ITGA5: variants seen among roughly 807,000 people sequenced by gnomAD.
ITGA5 encodes integrin subunit alpha 5, also known as integrin alpha-5.
ITGA5 carries 55 observed loss-of-function variants against 146.3 expected under a neutral mutation model. That is an observed-to-expected ratio of 0.38 (90% CI 0.30 to 0.47). The LOEUF (loss-of-function observed/expected upper bound fraction) is 0.47, where lower values mean the gene tolerates loss of function less well. ITGA5 is among the 20% of genes least tolerant of loss of function. The pLI is 0.99. For missense variants in ITGA5, 1,131 were observed against 1,329.0 expected (o/e 0.85, Z 2.32); for synonymous variants, 500 against 531.8 (o/e 0.94, Z 0.82).
In ITGA5 at chr12:54,403,055, G is replaced by A; in HGVS notation, c.1915-5C>T. 1 of 1,614,128 alleles carries A rather than the reference G, an allele frequency of 6.2e-7. No individual in the cohort carries two copies. The highest frequency in any genetic ancestry group is 1.1e-5 in the South Asian group (1 of 91,078). ...ACAGTCCAGCAAGATCTGAGCCTGG[G>A]GAGCAGGGCAGCCTTGAGAGGGGAA... On this transcript the variant is annotated splice_polypyrimidine_tract_variant and splice_region_variant and intron_variant, in intron 18 of 29. Transcript: ENST00000293379. This position sits in a 1 kb window ranked among gnomAD's most constrained non-coding sequence, Gnocchi z 4.9.
intron 1 of ITGA5, among the ~76,000 whole-genome samples, chr12:54,413,900 C>T (rs1955975645): frequency 1.3e-5 from 2 of 152,208 alleles, no homozygotes; most frequent in Admixed American, 1.3e-4. Flanking sequence ...GCCAAGGGAC[C>T]CTATTCCTGC....
chr12:54,405,211 T>A lies in ITGA5; in HGVS notation c.1180A>T (p.Ser394Cys). ...TGHDEFGRFG[S>C]SLTPLGDLDQ... ...AGGTCCCCCAGGGGGGTCAAGGAGC[T>A]GCCAAATCGGCCAAACTCATCATGG... The change falls in exon 12 of 30, where the codon AGC becomes TGC. Residue 394 changes from serine to cysteine, a missense_variant. Physicochemically the swap from Ser to Cys is moderately radical, Grantham distance 112 (BLOSUM62 -1). Coordinates refer to ENST00000293379, the MANE Select transcript of ITGA5 (RefSeq NM_002205.5). The A allele has an allele frequency of 6.2e-7, 1 of 1,612,386 alleles. No individual in the cohort carries two copies.
In ITGA5 at chr12:54,402,977, A is replaced by G. The variant is rs200284742; in HGVS notation, c.1982+6T>C. The G allele has an allele frequency of 2.3e-4, 375 of 1,613,496 alleles. 1 individual carries two copies. The highest frequency in any genetic ancestry group is 2.9e-4 in the Non-Finnish European group (345 of 1,179,578). The stretch of plus-strand genomic sequence containing the variant: ...AGCTCCCTAGCTTACCGTCAGCCCT[A>G]CTTACCCAAACACTTCCAGCTGCAG... On this transcript the variant is annotated splice_donor_region_variant and intron_variant, in intron 19 of 29. Transcript: ENST00000293379.
Position 54,409,465 on chromosome 12 carries a change from T to C in ITGA5, c.462+20A>G. 3 of 1,609,806 alleles carry C rather than the reference T, an allele frequency of 1.9e-6. No homozygotes were observed. Among genetic ancestry groups the C allele is most frequent in the Non-Finnish European group, 1.7e-6 (2 of 1,176,158 alleles). On this transcript the variant is annotated intron_variant, in intron 3 of 29. Coordinates refer to ENST00000293379, the MANE Select transcript of ITGA5 (RefSeq NM_002205.5). This position sits in a 1 kb window ranked among gnomAD's most constrained non-coding sequence, Gnocchi z 4.7. ...GCCCATCCCCTGGCCACCACACCAC[T>C]GAGCTTGCTGGCCCCTCACCAAGAT...
At position 54,395,925 on chromosome 12, in the gene ITGA5, G is replaced by GA. The variant is rs1303061157; in HGVS notation, c.*367dup. 1.0e-5 allele frequency: 2 copies of GA among 198,630 alleles called. No individual in the cohort carries two copies. The highest frequency in any genetic ancestry group is 2.1e-5 in the Non-Finnish European group (2 of 95,918). 12.3% of individuals were successfully genotyped at this position (198,630 alleles called of 1,614,324 possible). A position where few individuals can be genotyped will look rare whatever the true frequency, so the allele number is the denominator to read the frequency against. ...ATCTTTGCAGGTTGGAGCTGGACAGGAAGTCCTTGTGGCATGTCTGGCCCA... is the reference window on the plus strand; with the variant it reads ...ATCTTTGCAGGTTGGAGCTGGACAGGAAAGTCCTTGTGGCATGTCTGGCCCA... On this transcript the variant is annotated 3_prime_UTR_variant, in exon 30 of 30. Coordinates refer to ENST00000293379, the MANE Select transcript of ITGA5 (RefSeq NM_002205.5).
At position 54,409,261 on chromosome 12, in the gene ITGA5, C is replaced by T. The variant is rs540145150; in HGVS notation, c.554G>A (p.Arg185Gln). The change falls in exon 4 of 30, where the codon CGA becomes CAA. Residue 185 changes from arginine (R) to glutamine (Q), a missense_variant. Arg to Gln is a conservative substitution (Grantham distance 43). Around this residue, in one of 3 missense-constraint regions of ITGA5, gnomAD observed 67 missense variants for 128.2 expected, o/e 0.52. Coordinates refer to ENST00000293379, the MANE Select transcript of ITGA5 (RefSeq NM_002205.5). The surrounding 1 kb of genome is among the most constrained non-coding windows in gnomAD (Gnocchi z 4.7). ...TCYLSTDNFT[R>Q]ILEYAPCRSD... ...GCGGCAGGGTGCATACTCCAGAATT[C>T]GGGTGAAGTTATCTGTGGAGAGGTA... The T allele has an allele frequency of 2.5e-4, 401 of 1,613,810 alleles. 6 individuals carry two copies. In the South Asian group the frequency reaches 4.1e-3, roughly 17 times the overall value.
intron 1 of ITGA5, among the ~76,000 whole-genome samples, chr12:54,412,872 C>T (rs1417222592): frequency 6.6e-6 from 1 of 152,152 alleles, no homozygotes; most frequent in African/African-American, 2.4e-5. Flanking sequence ...GGGTCTCCTG[C>T]CAGGACTTGT....
chr12:54,415,522 C>A lies in ITGA5; in HGVS notation c.218+3459G>T, dbSNP rs531424038. 7.2e-5 allele frequency among the ~76,000 whole-genome samples: 11 copies of A among 152,338 alleles called. No individual in the cohort carries two copies. The South Asian group carries it at 2.3e-3, about 32-fold the overall frequency. On this transcript the variant is annotated intron_variant, in intron 1 of 29. Coordinates refer to ENST00000293379, the MANE Select transcript of ITGA5 (RefSeq NM_002205.5). The stretch of plus-strand genomic sequence containing the variant: ...GGAGTTAAGTAATGGGCTTAGGTCA[C>A]TCATAATCCCTCCCAGAATATGAAG...
rs1955742843 is a variant in ITGA5, at chr12:54,398,539, C to G, written c.2943+58G>C. 3 of 1,277,040 alleles carry G rather than the reference C, an allele frequency of 2.3e-6. No homozygotes were observed. In the East Asian group the frequency reaches 7.2e-5, roughly 30 times the overall value. 79.1% of individuals were successfully genotyped at this position (1,277,040 alleles called of 1,614,324 possible). Reference sequence around the variant, plus strand: ...GCCAGCCCTCACCCAAGTCCCAGCCCTGTTCCAGCACTCTGAGCCCTGTAT... The same window carrying G: ...GCCAGCCCTCACCCAAGTCCCAGCCGTGTTCCAGCACTCTGAGCCCTGTAT... On this transcript the variant is annotated intron_variant, in intron 28 of 29. Transcript: ENST00000293379.
intron 25 of ITGA5, chr12:54,400,240 T>C (rs1252373040): frequency 1.2e-5 from 5 of 409,324 alleles, no homozygotes; most frequent in South Asian, 5.6e-5. Flanking sequence ...CTGAGTCTTA[T>C]AGACAGGTTC....
intron 19 of ITGA5, among the ~76,000 whole-genome samples, chr12:54,402,592 T>C (rs1425612469): frequency 6.6e-6 from 1 of 151,882 alleles, no homozygotes; most frequent in African/African-American, 2.4e-5. Context: ...TCCCAGCTAC[T>C]TGGGACGCTG....
Position 54,403,565 on chromosome 12 carries a change from C to T in ITGA5, c.1776+60G>A, listed in dbSNP as rs1955819238. ...CCAGTCTTTTTCCCTTCAGGAGGTGCCCTCAGTTCTGTGTGGCCACCCTCC... is the reference window on the plus strand; with the variant it reads ...CCAGTCTTTTTCCCTTCAGGAGGTGTCCTCAGTTCTGTGTGGCCACCCTCC... On this transcript the variant is annotated intron_variant, in intron 17 of 29. Transcript: ENST00000293379. The surrounding 1 kb of genome is among the most constrained non-coding windows in gnomAD (Gnocchi z 4.9). The T allele has an allele frequency of 6.5e-6, 10 of 1,533,902 alleles. No individual in the cohort carries two copies. The highest frequency in any genetic ancestry group is 8.8e-6 in the Non-Finnish European group (10 of 1,130,778).
rs1955697534 is a variant in ITGA5 at position 54,395,632 on chromosome 12, A to G, written c.*661T>C. On this transcript the variant is annotated 3_prime_UTR_variant, in exon 30 of 30. Transcript: ENST00000293379. ...TGCCTGGATTAGGTGCCAATGTCTG[A>G]GTCTGGGTTCCAGATCAACTCCAGA... The G allele has an allele frequency of 6.6e-6, 1 of 152,514 alleles. No homozygotes were observed. The highest frequency in any genetic ancestry group is 1.9e-4 in the East Asian group (1 of 5,202). 9.4% of individuals were successfully genotyped at this position (152,514 alleles called of 1,614,324 possible). A position where few individuals can be genotyped will look rare whatever the true frequency, so the allele number is the denominator to read the frequency against.
intron 1 of ITGA5, among the ~76,000 whole-genome samples, 193 bp from the exon 2 acceptor site, chr12:54,412,157 C>T (rs1167240245): frequency 2.6e-5 from 4 of 152,116 alleles, no homozygotes; most frequent in Admixed American, 6.5e-5. Flanking sequence ...CCCCATGTGC[C>T]GCTGTCACTA....
Position 54,409,222 on chromosome 12 carries a change from T to C in ITGA5, c.583+10A>G, listed in dbSNP as rs765965012. ...GCAGACATGGGGCACAGGCCCCCTC[T>C]TGCCCCTACCTGAGCGGCAGGGTGC... On this transcript the variant is annotated intron_variant, in intron 4 of 29. Coordinates refer to ENST00000293379, the MANE Select transcript of ITGA5 (RefSeq NM_002205.5). The surrounding 1 kb of genome is among the most constrained non-coding windows in gnomAD (Gnocchi z 4.7). The C allele has an allele frequency of 3.7e-6, 6 of 1,606,430 alleles. No individual in the cohort carries two copies. In the East Asian group the frequency reaches 6.7e-5, roughly 18 times the overall value.
chr12:54,408,391 A>T (rs1020929606), intron 6 of ITGA5, among the ~76,000 whole-genome samples, 156 bp from the exon 7 acceptor site: 3 of 151,938 alleles, frequency 2.0e-5, no homozygotes, highest in African/African-American at 4.8e-5. Flanking sequence ...GAAGAGGAGA[A>T]TTGGGAGTAG....
chr12:54,403,800 AGG>A lies in ITGA5; in HGVS notation c.1622-23_1622-22del, dbSNP rs749696098. On this transcript the variant is annotated intron_variant, in intron 16 of 29. Coordinates refer to ENST00000293379, the MANE Select transcript of ITGA5 (RefSeq NM_002205.5). The surrounding 1 kb of genome is among the most constrained non-coding windows in gnomAD (Gnocchi z 4.9). Reference sequence around the variant, plus strand: ...GAAACCTGAAGCCAGGGACATATAAAGGGAAACTGCCTGTCTTTCCTCATCTT... The same window carrying A: ...GAAACCTGAAGCCAGGGACATATAAAGAAACTGCCTGTCTTTCCTCATCTT... 1.9e-6 allele frequency: 3 copies of A among 1,612,708 alleles called. No individual in the cohort carries two copies. Among genetic ancestry groups the A allele is most frequent in the Non-Finnish European group, 2.5e-6 (3 of 1,178,832 alleles).
At position 54,408,794 on chromosome 12, in the gene ITGA5, C is replaced by T. The variant is rs767216349; in HGVS notation, c.653G>A (p.Arg218His). ...GFSAEFTKTG[R>H]VVLGGPGSYF... Reference sequence around the variant, plus strand: ...GCTTCCTGGTCCACCTAAAACCACACGGCCAGTCTGTGGGTGAAAGGAGGG... The same window carrying T: ...GCTTCCTGGTCCACCTAAAACCACATGGCCAGTCTGTGGGTGAAAGGAGGG... Residue 218 changes from arginine (R) to histidine (H), a missense_variant, in exon 6 of 30, where the codon CGT becomes CAT. Physicochemically the swap from Arg to His is conservative, Grantham distance 29. Coordinates refer to ENST00000293379, the MANE Select transcript of ITGA5 (RefSeq NM_002205.5). 20 of 1,613,664 alleles carry T rather than the reference C, an allele frequency of 1.2e-5. No individual in the cohort carries two copies. The highest frequency in any genetic ancestry group is 1.6e-4 in the Middle Eastern group (1 of 6,082).
In ITGA5 at chr12:54,401,987, C is replaced by T; in HGVS notation, c.2226+14G>A. ...GCTCTCCCTCTGTCCCATCCTCTTT[C>T]ATCCCAAACTTACACTGGCTCCTGC... On this transcript the variant is annotated intron_variant, in intron 21 of 29. Transcript: ENST00000293379. The surrounding 1 kb of genome is among the most constrained non-coding windows in gnomAD (Gnocchi z 5.0). The T allele has an allele frequency of 6.2e-7, 1 of 1,613,736 alleles. No homozygotes were observed. The highest frequency in any genetic ancestry group is 8.5e-7 in the Non-Finnish European group (1 of 1,179,650).
Sources: gnomAD v4.1 joint callset for allele counts (sites outside exome capture counted in the v4.1 genomes callset) on GRCh38, gnomAD v4.1.1 for gene constraint, gnomAD v4.1.1 regional missense constraint, Gnocchi (gnomAD v3.1) non-coding constraint, MANE v1.5 for transcripts, NCBI Gene and HGNC (gene_info 2026-07-23, HGNC 2026-07-21) for gene names.